LDAH: variants seen among roughly 807,000 people sequenced by gnomAD.
The protein encoded by LDAH is lipid droplet-associated hydrolase.
LDAH carries 26 observed loss-of-function variants against 29.6 expected under a neutral mutation model. The observed-to-expected ratio is 0.88, with a 90% confidence interval of 0.64 to 1.22. The LOEUF is 1.22. Among genes scored for constraint, LDAH ranks in the 50% most tolerant of loss-of-function variants. The probability of loss-of-function intolerance (pLI) is 0.00; values close to 1 mark genes in which losing one functional copy is unlikely to be tolerated. For missense variants in LDAH, 344 were observed against 387.3 expected (o/e 0.89, Z 0.94); for synonymous variants, 117 against 133.0 (o/e 0.88, Z 0.83).
chr2:20,740,261 C>T, intron 4 of LDAH, 56 bp from the exon 5 acceptor site: 1 of 1,117,742 alleles, frequency 8.9e-7, no homozygotes, highest in Admixed American at 1.8e-5. Flanking sequence ...AGGTCCATTA[C>T]TTATTGTCTC....
At chr2:20,761,375 T>G (rs1253230228) in intron 4 of LDAH, among the ~76,000 whole-genome samples, 6 of 107,708 alleles carry the variant, frequency 5.6e-5, no homozygotes, top group African/African-American at 2.9e-4. Context: ...CCAGCTCTTG[T>G]TCTTGTGGCT....
intron 1 of LDAH, among the ~76,000 whole-genome samples, chr2:20,820,736 A>C (rs1673212615): frequency 7.0e-6 from 1 of 142,234 alleles, no homozygotes; most frequent in Non-Finnish European, 1.5e-5. Context: ...CACCAAAAGC[A>C]ATGGCAACAA....
At chr2:20,712,987 T>C (rs1664882416) in intron 5 of LDAH, among the ~76,000 whole-genome samples, 1 of 152,236 alleles carries the variant, frequency 6.6e-6, no homozygotes, top group Admixed American at 6.5e-5. Context: ...CCAGGAGAAC[T>C]TTCCCAACCT....
At chr2:20,737,698 T>C (rs1666885305) in intron 5 of LDAH, among the ~76,000 whole-genome samples, 1 of 152,162 alleles carries the variant, frequency 6.6e-6, no homozygotes, top group African/African-American at 2.4e-5. Flanking sequence ...TCAGTACTAT[T>C]TTCACCAGTA....
chr2:20,802,775 T>C (rs1429424319), intron 1 of LDAH, among the ~76,000 whole-genome samples: 1 of 152,232 alleles, frequency 6.6e-6, no homozygotes, highest in Admixed American at 6.5e-5. Flanking sequence ...TTTAATCCCA[T>C]AACTGTACTT....
At chr2:20,731,141 G>C (rs987396251) in intron 5 of LDAH, among the ~76,000 whole-genome samples, 5 of 152,162 alleles carry the variant, frequency 3.3e-5, no homozygotes, top group Non-Finnish European at 7.3e-5. Flanking sequence ...AGGAAGAATT[G>C]ACATCTGATA....
chr2:20,691,524 TCTGAGGCA>T (rs1400802152), intron 6 of LDAH, among the ~76,000 whole-genome samples: 3 of 152,178 alleles, frequency 2.0e-5, no homozygotes, highest in African/African-American at 7.2e-5. Context: ...ATGTAGCTCT[TCTGAGGCA>T]CTGTGTGTCA....
chr2:20,747,171 C>T (rs879492894), intron 4 of LDAH, among the ~76,000 whole-genome samples: 2 of 151,978 alleles, frequency 1.3e-5, no homozygotes, highest in Non-Finnish European at 1.5e-5. Context: ...CTTCAAAATC[C>T]TTGAAAGACT....
chr2:20,768,199 C>G (rs1669169262), intron 4 of LDAH, among the ~76,000 whole-genome samples: 1 of 152,182 alleles, frequency 6.6e-6, no homozygotes, highest in Non-Finnish European at 1.5e-5. Context: ...GTAACACAAA[C>G]AAAGCTGAAA....
chr2:20,760,544 A>G lies in LDAH; in HGVS notation c.468+14266T>C, dbSNP rs572105954. Among the ~76,000 whole-genome samples the G allele has an allele frequency of 1.5e-4, 23 of 152,280 alleles. No individual in the cohort carries two copies. The South Asian group carries it at 4.8e-3, about 32-fold the overall frequency. ...AGTCTCATCTGAGGCTTGACTGGGG[A>G]AGGATACAAATCACTAAGGTTGTGG... On this transcript the variant is annotated intron_variant, in intron 4 of 6. Coordinates refer to ENST00000237822, the MANE Select transcript of LDAH (RefSeq NM_021925.4).
chr2:20,774,648 G>C (rs1383689972), intron 4 of LDAH, among the ~76,000 whole-genome samples, 162 bp downstream of exon 4: 1 of 152,174 alleles, frequency 6.6e-6, no homozygotes, highest in Non-Finnish European at 1.5e-5. Flanking sequence ...ATTCACATAA[G>C]CCCATCGTAA....
intron 5 of LDAH, among the ~76,000 whole-genome samples, chr2:20,730,384 C>T (rs1018697399): frequency 4.6e-5 from 7 of 152,140 alleles, no homozygotes. Context: ...TTTTAACTGT[C>T]AAACTGCTTT....
intron 2 of LDAH, among the ~76,000 whole-genome samples, chr2:20,795,528 C>T (rs766983378): frequency 6.6e-6 from 1 of 152,090 alleles, no homozygotes; most frequent in African/African-American, 2.4e-5. Flanking sequence ...TCCCTTTGTT[C>T]ATCTCACTAG....
chr2:20,814,867 T>C (rs1429768271), intron 1 of LDAH, among the ~76,000 whole-genome samples: 1 of 152,172 alleles, frequency 6.6e-6, no homozygotes, highest in Non-Finnish European at 1.5e-5. Flanking sequence ...CTCCATTTCC[T>C]TCCCCATTTC....
Position 20,691,977 on chromosome 2 carries a change from C to T in LDAH, c.787-4883G>A, listed in dbSNP as rs143794252. Among the ~76,000 whole-genome samples, 215 of 152,330 alleles carry T rather than the reference C, an allele frequency of 1.4e-3. 2 individuals carry two copies. Among genetic ancestry groups the T allele is most frequent in the Middle Eastern group, 0.01 (3 of 294 alleles). On this transcript the variant is annotated intron_variant, in intron 6 of 6. Transcript: ENST00000237822. The stretch of plus-strand genomic sequence containing the variant: ...ATCCCTGCAGGTTGCTGCAGCTTGT[C>T]CCCACATCTGTCTTTTCTTCTGTGT...
rs1014110346 is a variant in LDAH at position 20,685,307 on chromosome 2, C to T, written c.*1596G>A. The stretch of plus-strand genomic sequence containing the variant: ...CTTGATTTAGTATCAGTGAGTATCT[C>T]CTGTATGCAAGGCGCTCAGAGCCAT... On this transcript the variant is annotated 3_prime_UTR_variant, in exon 7 of 7. Coordinates refer to ENST00000237822, the MANE Select transcript of LDAH (RefSeq NM_021925.4). 7 of 548,190 alleles carry T rather than the reference C, an allele frequency of 1.3e-5. No individual in the cohort carries two copies. The highest frequency in any genetic ancestry group is 2.2e-5 in the Non-Finnish European group (7 of 318,120). 34.0% of individuals were successfully genotyped at this position (548,190 alleles called of 1,614,324 possible).
rs1662438290 is a variant in LDAH, at chr2:20,684,679, T to C, written c.*2224A>G. On this transcript the variant is annotated 3_prime_UTR_variant, in exon 7 of 7. Transcript: ENST00000237822. Reference sequence around the variant, plus strand: ...TCAGGCCACACAAGCCACAGAGGGCTTGTGGAGATGCTTATGGCTGGGAAC... The same window carrying C: ...TCAGGCCACACAAGCCACAGAGGGCCTGTGGAGATGCTTATGGCTGGGAAC... 2 of 507,322 alleles carry C rather than the reference T, an allele frequency of 3.9e-6. No individual in the cohort carries two copies. The highest frequency in any genetic ancestry group is 3.7e-4 in the Middle Eastern group (1 of 2,668). The allele number at this position is 507,322 out of a possible 1,614,324, so 31.4% of individuals were successfully genotyped here. A position where few individuals can be genotyped will look rare whatever the true frequency, so the allele number is the denominator to read the frequency against.
intron 4 of LDAH, among the ~76,000 whole-genome samples, chr2:20,770,817 C>T (rs1572593207): frequency 6.6e-6 from 1 of 152,154 alleles, no homozygotes; most frequent in Non-Finnish European, 1.5e-5. Context: ...ACAGCTAATA[C>T]CAGTATGCCC....
intron 4 of LDAH, among the ~76,000 whole-genome samples, chr2:20,740,867 T>C (rs967414451): frequency 4.6e-5 from 7 of 152,236 alleles, no homozygotes; most frequent in African/African-American, 1.7e-4. Context: ...GTGGTTGTAC[T>C]ATTTTGATTC....
Sources: gnomAD v4.1 joint callset for allele counts (sites outside exome capture counted in the v4.1 genomes callset) on GRCh38, gnomAD v4.1.1 for gene constraint, MANE v1.5 for transcripts, NCBI Gene and HGNC (gene_info 2026-07-23, HGNC 2026-07-21) for gene names.